The following COPB1 variants were observed in gnomAD, a reference collection of about 807,000 sequenced individuals.
COPB1 encodes coat protein complex I subunit beta 1, also known as coatomer subunit beta.
COPB1 carries 21 observed loss-of-function variants against 108.7 expected under a neutral mutation model. That is an observed-to-expected ratio of 0.19 (90% confidence interval 0.14 to 0.28). The LOEUF is 0.28. Among genes scored for constraint, COPB1 ranks in the 10% least tolerant of loss-of-function variants. The pLI is 1.00. For synonymous variants in COPB1, 378 were observed against 386.8 expected (o/e 0.98, Z 0.27); for missense variants, 919 against 1,141.3 (o/e 0.81, Z 2.81).
intron 2 of COPB1, among the ~76,000 whole-genome samples, chr11:14,496,568 G>T (rs1458403719): frequency 6.6e-6 from 1 of 151,550 alleles, no homozygotes. Context: ...TCAACAAATG[G>T]AAAGATATTC....
rs1408274519 is a variant in COPB1, at chr11:14,494,286, C to G, written c.245G>C (p.Trp82Ser). The G allele has an allele frequency of 6.2e-7, 1 of 1,613,490 alleles. No individual in the cohort carries two copies. The highest frequency in any genetic ancestry group is 1.3e-5 in the African/African-American group (1 of 74,870). Reference protein sequence around the residue: ...HTIKKLLLVFWEIVPKTTPDG... With the variant: ...HTIKKLLLVFSEIVPKTTPDG... ...TGGAGTTGTTTTAGGAACAATTTCCCAAAATACCAGAAGTAATTTCTTGAT... is the reference window on the plus strand; with the variant it reads ...TGGAGTTGTTTTAGGAACAATTTCCGAAAATACCAGAAGTAATTTCTTGAT... The change falls in exon 3 of 22, where the codon TGG becomes TCG. Residue 82 changes from tryptophan to serine, a missense_variant. Coordinates refer to ENST00000439561, the MANE Select transcript of COPB1 (RefSeq NM_001144061.2).
At chr11:14,491,521 T>C (rs1350969220) in intron 4 of COPB1, among the ~76,000 whole-genome samples, 1 of 152,060 alleles carries the variant, frequency 6.6e-6, no homozygotes, top group African/African-American at 2.4e-5. Context: ...AATACAAAAT[T>C]AGCCAGGCGT....
chr11:14,467,204 A>C (rs1235712179), intron 16 of COPB1, among the ~76,000 whole-genome samples: 1 of 152,162 alleles, frequency 6.6e-6, no homozygotes, highest in Non-Finnish European at 1.5e-5. Flanking sequence ...AAAAACCAAC[A>C]ACCCAATTTA....
Position 14,483,057 on chromosome 11 carries a change from T to G in COPB1, c.932A>C (p.His311Pro). ...CTGTAGTACTCGTTCATGAGCAGGA[T>G]GCTCTTTTAATTCTATCAAGCGATC... ...VLDRLIELKE[H>P]PAHERVLQDL... The change falls in exon 8 of 22, where the codon CAT becomes CCT. Residue 311 changes from histidine to proline, a missense_variant. Coordinates refer to ENST00000439561, the MANE Select transcript of COPB1 (RefSeq NM_001144061.2). 1 of 1,576,118 alleles carries G rather than the reference T, an allele frequency of 6.3e-7. No homozygotes were observed. Among genetic ancestry groups the G allele is most frequent in the Non-Finnish European group, 8.7e-7 (1 of 1,151,632 alleles).
chr11:14,489,221 G>C (rs932807029), intron 5 of COPB1, among the ~76,000 whole-genome samples: 1 of 152,156 alleles, frequency 6.6e-6, no homozygotes, highest in African/African-American at 2.4e-5. Context: ...AAAAACAATA[G>C]CAACAAGTGT....
intron 4 of COPB1, among the ~76,000 whole-genome samples, chr11:14,491,418 C>T (rs1850900161): frequency 6.6e-6 from 1 of 152,028 alleles, no homozygotes. Flanking sequence ...ACCTGTAATC[C>T]CAGCACTTTG....
chr11:14,494,496 C>T (rs1337939031), intron 2 of COPB1, 57 bp from the exon 3 acceptor site: 2 of 1,039,786 alleles, frequency 1.9e-6, no homozygotes, highest in Non-Finnish European at 2.9e-6. Flanking sequence ...AAATTCATCA[C>T]ATAAATTTAA....
chr11:14,463,383 T>G (rs551777189), intron 18 of COPB1, among the ~76,000 whole-genome samples: 1 of 152,366 alleles, frequency 6.6e-6, no homozygotes, highest in Admixed American at 6.5e-5. Flanking sequence ...AGTGGTGCGA[T>G]CTCGGCTCAC....
chr11:14,481,068 C>G lies in COPB1; in HGVS notation c.987G>C (p.Leu329Phe). 1 of 1,613,288 alleles carries G rather than the reference C, an allele frequency of 6.2e-7. No individual in the cohort carries two copies. Among genetic ancestry groups the G allele is most frequent in the Non-Finnish European group, 8.5e-7 (1 of 1,179,794 alleles). ...TTCGTACTTCTAAGTCTGGTGTGCT[C>G]AATACTCTTAGGATATCCATAACCA... is the stretch of plus-strand genomic sequence containing the variant. Reference protein sequence around the residue: ...QDLVMDILRVLSTPDLEVRKK... With the variant: ...QDLVMDILRVFSTPDLEVRKK... Residue 329 changes from leucine (L) to phenylalanine (F), a missense_variant, in exon 9 of 22, where the codon TTG becomes TTC. Transcript: ENST00000439561.
At chr11:14,496,722 A>G (rs939272097) in intron 2 of COPB1, among the ~76,000 whole-genome samples, 4 of 152,148 alleles carry the variant, frequency 2.6e-5, no homozygotes, top group African/African-American at 9.7e-5. Context: ...ATGGAACCAC[A>G]AAAGACCCAG....
At chr11:14,476,766 T>C (rs956130600) in intron 12 of COPB1, among the ~76,000 whole-genome samples, 153 bp downstream of exon 12, 68 of 150,462 alleles carry the variant, frequency 4.5e-4, no homozygotes, top group African/African-American at 1.5e-3. Flanking sequence ...CTGCTTCTTT[T>C]TTTTTTTTTT....
chr11:14,487,709 A>C (rs1850806920), intron 6 of COPB1, among the ~76,000 whole-genome samples: 1 of 152,016 alleles, frequency 6.6e-6, no homozygotes, highest in South Asian at 2.1e-4. Context: ...AAAACAAAAA[A>C]AAACTGTACA....
At chr11:14,469,598 C>A in intron 14 of COPB1, 35 bp from the exon 15 acceptor site, 1 of 1,541,910 alleles carries the variant, frequency 6.5e-7, no homozygotes, top group Non-Finnish European at 9.0e-7. Context: ...CTGATATTGT[C>A]TTGATTCTCA....
Position 14,481,094 on chromosome 11 carries a change from G to A in COPB1, c.961C>T (p.Leu321=). ...HPAHERVLQD[L]VMDILRVLST... ...AATACTCTTAGGATATCCATAACCA[G>A]ATCCTAAAAAAGAAGAAAAAATCAA... Residue 321 remains leucine (L), a synonymous_variant, in exon 9 of 22, where the codon CTG becomes TTG. Coordinates refer to ENST00000439561, the MANE Select transcript of COPB1 (RefSeq NM_001144061.2). 1.3e-6 allele frequency: 2 copies of A among 1,599,866 alleles called. No individual in the cohort carries two copies. Among genetic ancestry groups the A allele is most frequent in the Non-Finnish European group, 8.5e-7 (1 of 1,175,582 alleles).
At chr11:14,475,082 A>C (rs1239378199) in intron 13 of COPB1, among the ~76,000 whole-genome samples, 1 of 130,940 alleles carries the variant, frequency 7.6e-6, no homozygotes, top group Non-Finnish European at 1.6e-5. Flanking sequence ...CGACAGAGCA[A>C]GACTCTGTGT....
rs550471969 is a variant in COPB1, at chr11:14,477,746, A to T, written c.1359-731T>A. On this transcript the variant is annotated intron_variant, in intron 11 of 21. Transcript: ENST00000439561. ...CTCGTCTCTACTGAAAATACAAAAA[A>T]AATTTGCTGGATGCAGTGGCACGCA... Among the ~76,000 whole-genome samples the T allele has an allele frequency of 1.4e-4, 22 of 152,050 alleles. No homozygotes were observed. The South Asian group carries it at 4.6e-3, about 32-fold the overall frequency.
chr11:14,477,548 C>T (rs1276181474), intron 11 of COPB1, among the ~76,000 whole-genome samples: 1 of 150,990 alleles, frequency 6.6e-6, no homozygotes, highest in East Asian at 2.0e-4. Flanking sequence ...AAAAATCAGC[C>T]AGGCATGGTG....
chr11:14,490,884 G>A (rs1191869626), intron 4 of COPB1, among the ~76,000 whole-genome samples: 1 of 151,800 alleles, frequency 6.6e-6, no homozygotes, highest in Non-Finnish European at 1.5e-5. Flanking sequence ...CCACTTCCAG[G>A]GTTCAAGCAA....
intron 16 of COPB1, among the ~76,000 whole-genome samples, chr11:14,467,444 G>C (rs1205530928): frequency 6.6e-6 from 1 of 152,102 alleles, no homozygotes; most frequent in Non-Finnish European, 1.5e-5. Flanking sequence ...TGGTAAGAAT[G>C]TAAAATAGTG....
Sources: allele counts gnomAD v4.1 joint callset (sites outside exome capture counted in the v4.1 genomes callset), GRCh38; gene constraint gnomAD v4.1.1; transcripts MANE v1.5; gene names NCBI Gene and HGNC (gene_info 2026-07-23, HGNC 2026-07-21).